The following RGN variants were observed in gnomAD, a reference collection of about 807,000 sequenced individuals.
RGN encodes the protein epididymis secretory protein Li 41.
Under a neutral mutation model 20.6 loss-of-function variants are expected in RGN, and 19 were observed. The ratio of observed to expected loss-of-function variants is 0.92; its 90% CI spans 0.64 to 1.35. The LOEUF is 1.35. Ranked by LOEUF, RGN falls within the 40% of genes most tolerant of loss-of-function variation. The pLI is 0.00. For missense variants in RGN, 302 were observed against 232.7 expected, an observed-to-expected ratio of 1.30 and a Z score of -1.94; for synonymous variants, 85 against 87.2, an observed-to-expected ratio of 0.97 and a Z score of 0.14.
At chrX:47,086,303 G>T (rs1488514893) in intron 4 of RGN, among the ~76,000 whole-genome samples, 1 of 111,288 alleles carries the variant, frequency 9.0e-6, no homozygotes, top group East Asian at 2.8e-4. Context: ...CACGATGTCC[G>T]TGTGTCCCCT....
intron 3 of RGN, among the ~76,000 whole-genome samples, chrX:47,083,010 A>G: frequency 9.0e-6 from 1 of 111,216 alleles, no homozygotes; most frequent in Non-Finnish European, 1.9e-5. Context: ...TGCTTAGGAA[A>G]TGCTTTCAAA....
At chrX:47,088,940 AAAAAAAAGAAG>A (rs1288330816) in intron 4 of RGN, among the ~76,000 whole-genome samples, 1 of 65,777 alleles carries the variant, frequency 1.5e-5, no homozygotes, top group Non-Finnish European at 3.2e-5. Context: ...CCAAAAAAAA[AAAAAAAAGAAG>A]AAGAAGAAGA....
intron 3 of RGN, among the ~76,000 whole-genome samples, chrX:47,081,726 T>C (rs906976369): frequency 1.8e-5 from 2 of 110,491 alleles, no homozygotes; most frequent in Non-Finnish European, 3.8e-5. Flanking sequence ...TTTGTATTTT[T>C]TGTAGAGATG....
chrX:47,091,286 G>A, intron 5 of RGN, among the ~76,000 whole-genome samples: 1 of 111,481 alleles, frequency 9.0e-6, no homozygotes, highest in Non-Finnish European at 1.9e-5. Context: ...AACTGTTCAC[G>A]TGGTACCATT....
At chrX:47,081,079 T>C (rs1930275788) in intron 2 of RGN, 51 bp from the exon 3 acceptor site, 1 of 918,038 alleles carries the variant, frequency 1.1e-6, no homozygotes, top group Non-Finnish European at 1.6e-6. Flanking sequence ...GGTGTTTTAC[T>C]GTATTTGTTC....
intron 3 of RGN, 74 bp downstream of exon 3, chrX:47,081,381 C>T (rs1930299499): frequency 2.1e-6 from 2 of 932,901 alleles, no homozygotes; most frequent in East Asian, 6.2e-5. Context: ...CGGCACCCTT[C>T]TTGTTAAAGC....
rs782204377 is a variant in RGN at position 47,080,070 on chromosome X, T to A, written c.-635-247T>A. 1.3e-4 allele frequency among the ~76,000 whole-genome samples: 14 copies of A among 110,649 alleles called. No homozygotes were observed. The South Asian group carries it at 3.8e-3, about 30-fold the overall frequency. On this transcript the variant is annotated intron_variant, in intron 1 of 7. Transcript: ENST00000397180. ...GCTAATTTTTTGTTGTTTTGTAGAG[T>A]CAGGGTCTCACTATGTTGCCCACAC...
chrX:47,089,532 A>ATATTTTATATACT (rs1569540553), intron 4 of RGN, among the ~76,000 whole-genome samples: 1 of 33,231 alleles, frequency 3.0e-5, no homozygotes, highest in East Asian at 1.1e-3. Context: ...ATATATACTC[A>ATATTTTATATACT]TATATATACA....
At chrX:47,082,118 A>G (rs1930354364) in intron 3 of RGN, among the ~76,000 whole-genome samples, 1 of 111,312 alleles carries the variant, frequency 9.0e-6, no homozygotes, top group African/African-American at 3.3e-5. Flanking sequence ...TTTGAGTGTG[A>G]TGCGTTTATG....
At chrX:47,081,032 TG>T in intron 2 of RGN, 96 bp downstream of exon 2, 1 of 580,525 alleles carries the variant, frequency 1.7e-6, no homozygotes, top group Non-Finnish European at 2.9e-6. Context: ...TGCTCTGATC[TG>T]GGGGAAGTGT....
intron 7 of RGN, 75 bp downstream of exon 7, chrX:47,092,290 G>A: frequency 1.1e-6 from 1 of 895,490 alleles, no homozygotes; most frequent in Non-Finnish European, 1.5e-6. Context: ...TGAGTGATTG[G>A]TACTTTTGCA....
At chrX:47,078,739 G>A (rs1930147036) in intron 1 of RGN, 30 bp downstream of exon 1, 1 of 110,815 alleles carries the variant, frequency 9.0e-6, no homozygotes, top group Non-Finnish European at 1.9e-5. Context: ...GGCACCTGAA[G>A]CCCCGTCCCC....
intron 4 of RGN, among the ~76,000 whole-genome samples, chrX:47,086,869 C>T (rs1930625574): frequency 1.8e-5 from 2 of 109,225 alleles, no homozygotes; most frequent in South Asian, 8.1e-4. Context: ...ATCACTTATG[C>T]CATATGCTAT....
chrX:47,086,314 C>T (rs781905653), intron 4 of RGN, among the ~76,000 whole-genome samples: 1 of 111,428 alleles, frequency 9.0e-6, no homozygotes. Flanking sequence ...TGTGTCCCCT[C>T]GTTAGTGATT....
At chrX:47,089,329 G>A (rs868949423) in intron 4 of RGN, among the ~76,000 whole-genome samples, 3 of 23,076 alleles carry the variant, frequency 1.3e-4, no homozygotes, top group African/African-American at 3.1e-4. Context: ...TTATATGCAA[G>A]ATAATTGTCA....
At chrX:47,082,593 G>A (rs1930388762) in intron 3 of RGN, among the ~76,000 whole-genome samples, 1 of 111,392 alleles carries the variant, frequency 9.0e-6, no homozygotes, top group African/African-American at 3.3e-5. Context: ...GATTACAGGT[G>A]TGGGCCACCA....
chrX:47,079,359 T>TG (rs1200292174), intron 1 of RGN, among the ~76,000 whole-genome samples: 1 of 40,717 alleles, frequency 2.5e-5, no homozygotes, highest in Non-Finnish European at 4.4e-5. Context: ...TTTGTTTGTT[T>TG]TTTTTTTTGT....
intron 4 of RGN, chrX:47,084,827 C>A: frequency 2.9e-6 from 1 of 340,814 alleles, no homozygotes; most frequent in East Asian, 4.9e-5. Flanking sequence ...TGGTGGCATG[C>A]ATCTGTGTTC....
intron 4 of RGN, among the ~76,000 whole-genome samples, chrX:47,086,837 A>G (rs1181838861): frequency 9.2e-6 from 1 of 108,603 alleles, no homozygotes; most frequent in African/African-American, 3.3e-5. Context: ...TACAGTCTTT[A>G]ACCAATCGGA....
Sources: allele counts gnomAD v4.1 joint callset (sites outside exome capture counted in the v4.1 genomes callset), GRCh38; gene constraint gnomAD v4.1.1; transcripts MANE v1.5; gene names NCBI Gene and HGNC (gene_info 2026-07-23, HGNC 2026-07-21).